TMEM132C: variants seen among roughly 807,000 people sequenced by gnomAD.
TMEM132C encodes the protein protein phosphatase 1, regulatory subunit 152.
Under a neutral mutation model 61.4 loss-of-function variants are expected in TMEM132C, and 29 were observed. That is an observed-to-expected ratio of 0.47 (90% CI 0.35 to 0.64). The LOEUF (loss-of-function observed/expected upper bound fraction) is 0.64. Among genes scored for constraint, TMEM132C ranks in the 30% least tolerant of loss-of-function variants. The pLI is 0.00. For missense variants in TMEM132C, 1,408 were observed against 1,476.9 expected (o/e 0.95, Z 0.76); for synonymous variants, 656 against 633.1 (o/e 1.04, Z -0.54).
At chr12:128,337,202 T>A (rs1400587242) in intron 1 of TMEM132C, among the ~76,000 whole-genome samples, 4 of 152,186 alleles carry the variant, frequency 2.6e-5, no homozygotes, top group Non-Finnish European at 5.9e-5. Context: ...GTTCTTTCAT[T>A]ACTACAGCTG....
rs74928763 is a variant in TMEM132C, at chr12:128,627,037, G to A, written c.1305+10702G>A. On this transcript the variant is annotated intron_variant, in intron 4 of 8. Coordinates refer to ENST00000435159, the MANE Select transcript of TMEM132C (RefSeq NM_001136103.3). Reference sequence around the variant, plus strand: ...CAGATGCTGCCAGCTCTCCTCACCCGGCATCTTTGTCCTCACTGTGCCATC... The same window carrying A: ...CAGATGCTGCCAGCTCTCCTCACCCAGCATCTTTGTCCTCACTGTGCCATC... 6.6e-4 allele frequency among the ~76,000 whole-genome samples: 100 copies of A among 152,152 alleles called. No individual in the cohort carries two copies. The East Asian group carries it at 0.018, about 28-fold the overall frequency.
intron 1 of TMEM132C, among the ~76,000 whole-genome samples, chr12:128,281,634 T>C (rs1289069985): frequency 1.3e-5 from 2 of 152,224 alleles, no homozygotes; most frequent in Non-Finnish European, 2.9e-5. Context: ...CTCCTGGTTC[T>C]TGTATCTGCT....
intron 2 of TMEM132C, among the ~76,000 whole-genome samples, chr12:128,461,927 C>G (rs907816567): frequency 2.0e-5 from 3 of 152,142 alleles, no homozygotes; most frequent in Non-Finnish European, 4.4e-5. Context: ...ATTTGGATGA[C>G]ACCTCATTCT....
At chr12:128,505,008 C>T (rs894332566) in intron 2 of TMEM132C, among the ~76,000 whole-genome samples, 9 of 152,196 alleles carry the variant, frequency 5.9e-5, no homozygotes, top group Non-Finnish European at 7.4e-5. Flanking sequence ...TTACTTACTA[C>T]GTAAATATGA....
At chr12:128,305,377 A>G (rs1448717668) in intron 1 of TMEM132C, among the ~76,000 whole-genome samples, 1 of 151,912 alleles carries the variant, frequency 6.6e-6, no homozygotes, top group Admixed American at 6.6e-5. Context: ...TCTTGATACT[A>G]CTCCCATCTT....
At chr12:128,327,648 G>A (rs138442826) in intron 1 of TMEM132C, among the ~76,000 whole-genome samples, 8 of 152,090 alleles carry the variant, frequency 5.3e-5, no homozygotes, top group African/African-American at 1.9e-4. Flanking sequence ...CTCCCAAAGT[G>A]CTGGGATTAC....
At chr12:128,381,238 G>A (rs149454674) in intron 1 of TMEM132C, among the ~76,000 whole-genome samples, 16 of 152,302 alleles carry the variant, frequency 1.1e-4, no homozygotes, top group Non-Finnish European at 2.1e-4. Context: ...GGGAATGCCC[G>A]TGAAAGTACC....
At chr12:128,304,749 C>A (rs1871708695) in intron 1 of TMEM132C, among the ~76,000 whole-genome samples, 1 of 152,194 alleles carries the variant, frequency 6.6e-6, no homozygotes, top group African/African-American at 2.4e-5. Flanking sequence ...AGTAGCCCTG[C>A]CTCAGTGGTC....
intron 2 of TMEM132C, among the ~76,000 whole-genome samples, chr12:128,502,632 G>C (rs1361579429): frequency 6.6e-6 from 1 of 152,208 alleles, no homozygotes; most frequent in East Asian, 1.9e-4. Context: ...GCTGCGATGT[G>C]CCTCAGGATG....
chr12:128,445,832 G>A (rs1203995973), intron 2 of TMEM132C, among the ~76,000 whole-genome samples: 4 of 152,052 alleles, frequency 2.6e-5, no homozygotes, highest in Admixed American at 6.5e-5. Context: ...GGGACTTCAC[G>A]CTGCTTCTAG....
chr12:128,393,796 G>A (rs1298498457), intron 1 of TMEM132C, among the ~76,000 whole-genome samples: 1 of 152,126 alleles, frequency 6.6e-6, no homozygotes, highest in Non-Finnish European at 1.5e-5. Context: ...TTGCAATCAG[G>A]CAAAAAAGAA....
chr12:128,490,031 T>G (rs954065581), intron 2 of TMEM132C, among the ~76,000 whole-genome samples: 1 of 152,184 alleles, frequency 6.6e-6, no homozygotes, highest in African/African-American at 2.4e-5. Flanking sequence ...ACATTCACAT[T>G]TCAGCCGTTC....
At chr12:128,293,385 C>A (rs1871307893) in intron 1 of TMEM132C, among the ~76,000 whole-genome samples, 2 of 152,110 alleles carry the variant, frequency 1.3e-5, no homozygotes, top group Admixed American at 6.6e-5. Context: ...AAAATGTAAT[C>A]CCTTCACCCT....
chr12:128,313,746 G>A (rs897945830), intron 1 of TMEM132C, among the ~76,000 whole-genome samples: 5 of 152,186 alleles, frequency 3.3e-5, no homozygotes, highest in Admixed American at 2.6e-4. Flanking sequence ...GAGAGAGCTG[G>A]CACTGGCAGT....
intron 4 of TMEM132C, among the ~76,000 whole-genome samples, chr12:128,639,882 C>T (rs1210807440): frequency 6.6e-6 from 1 of 152,222 alleles, no homozygotes; most frequent in Non-Finnish European, 1.5e-5. Context: ...CATTTTCTTG[C>T]TTTACAAGTG....
At position 128,653,953 on chromosome 12, in the gene TMEM132C, G is replaced by T. The variant is rs543981916; in HGVS notation, c.1306-15464G>T. Among the ~76,000 whole-genome samples, 5 of 152,290 alleles carry T rather than the reference G, an allele frequency of 3.3e-5. No individual in the cohort carries two copies. The East Asian group carries it at 9.7e-4, about 30-fold the overall frequency. ...CTGTGCCTCAGTTTCCCCTCCTGTG[G>T]TGACACCAGCCCTTTCTACTCTGCT... On this transcript the variant is annotated intron_variant, in intron 4 of 8. Transcript: ENST00000435159.
chr12:128,678,163 T>A (rs76292668), intron 5 of TMEM132C, among the ~76,000 whole-genome samples: 2,957 of 152,300 alleles, frequency 0.019, 53 homozygotes, highest in African/African-American at 0.052. Flanking sequence ...TTCTATTTGT[T>A]CTTGTCATGG....
At chr12:128,382,700 T>C (rs544342943) in intron 1 of TMEM132C, among the ~76,000 whole-genome samples, 2 of 152,348 alleles carry the variant, frequency 1.3e-5, no homozygotes, top group South Asian at 4.1e-4. Flanking sequence ...CAACTCTCCG[T>C]GGTATTCTTT....
At chr12:128,654,458 G>A (rs962970124) in intron 4 of TMEM132C, among the ~76,000 whole-genome samples, 2 of 152,120 alleles carry the variant, frequency 1.3e-5, no homozygotes, top group Non-Finnish European at 2.9e-5. Flanking sequence ...AATTTCAGTC[G>A]TTGTATGCCA....
Sources: allele counts gnomAD v4.1 joint callset (sites outside exome capture counted in the v4.1 genomes callset), GRCh38; gene constraint gnomAD v4.1.1; transcripts MANE v1.5; gene names NCBI Gene and HGNC (gene_info 2026-07-23, HGNC 2026-07-21).